The following AP1AR variants were observed in gnomAD, a reference collection of about 807,000 sequenced individuals.
The protein encoded by AP1AR is AP-1 complex-associated regulatory protein.
Under a neutral mutation model 46.3 loss-of-function variants are expected in AP1AR, and 29 were observed. The observed-to-expected ratio is 0.63, with a 90% CI of 0.47 to 0.85. AP1AR has a LOEUF of 0.85. Ranked by LOEUF, AP1AR falls within the 40% of genes least tolerant of loss-of-function variation. The pLI is 0.00. For synonymous variants in AP1AR, 122 were observed against 122.9 expected (o/e 0.99, Z 0.05); for missense variants, 357 against 356.3 (o/e 1.00, Z -0.02).
At chr4:112,261,413 T>G (rs1045527538) in intron 5 of AP1AR, among the ~76,000 whole-genome samples, 4 of 151,420 alleles carry the variant, frequency 2.6e-5, no homozygotes, top group Admixed American at 6.6e-5. Context: ...GCCTGGGCAG[T>G]AGAGTGAGAC....
intron 1 of AP1AR, among the ~76,000 whole-genome samples, chr4:112,238,477 A>C (rs1725347730): frequency 6.6e-6 from 1 of 152,140 alleles, no homozygotes; most frequent in Admixed American, 6.5e-5. Context: ...AAAATATAGA[A>C]ATCAATAGTG....
chr4:112,246,349 T>TA (rs569296831), intron 1 of AP1AR, among the ~76,000 whole-genome samples: 440 of 152,152 alleles, frequency 2.9e-3, no homozygotes, highest in African/African-American at 9.6e-3. Flanking sequence ...CTACTAAAAA[T>TA]ACAAAAATCA....
At chr4:112,252,379 G>T (rs1409686026) in intron 1 of AP1AR, among the ~76,000 whole-genome samples, 3 of 152,214 alleles carry the variant, frequency 2.0e-5, no homozygotes, top group African/African-American at 7.2e-5. Context: ...TTGTATGGCA[G>T]TGGAGTTCTC....
intron 8 of AP1AR, among the ~76,000 whole-genome samples, chr4:112,266,174 T>C (rs1031563380): frequency 1.3e-5 from 2 of 151,812 alleles, no homozygotes; most frequent in Non-Finnish European, 3.0e-5. Context: ...AAATATTTCC[T>C]CAGGTTTCAA....
At chr4:112,236,472 C>T (rs981148797) in intron 1 of AP1AR, among the ~76,000 whole-genome samples, 2 of 151,214 alleles carry the variant, frequency 1.3e-5, no homozygotes, top group African/African-American at 4.9e-5. Context: ...ACAATCCTGG[C>T]TCACTACAAC....
chr4:112,268,468 T>C lies in AP1AR; in HGVS notation c.*59T>C. On this transcript the variant is annotated 3_prime_UTR_variant, in exon 10 of 10. Transcript: ENST00000274000. ...ACCAAATGTTAAAAACCAACTAGAA[T>C]GTATAAGTGATTGTGCTTAGCCTTT... 6.7e-7 allele frequency: 1 copy of C among 1,483,462 alleles called. No homozygotes were observed. The highest frequency in any genetic ancestry group is 9.0e-7 in the Non-Finnish European group (1 of 1,110,062). 91.9% of individuals were successfully genotyped at this position (1,483,462 alleles called of 1,614,324 possible). A position where few individuals can be genotyped will look rare whatever the true frequency, so the allele number is the denominator to read the frequency against.
chr4:112,257,642 T>C (rs1477281930), intron 3 of AP1AR, 130 bp from the exon 4 acceptor site: 2 of 612,306 alleles, frequency 3.3e-6, no homozygotes, highest in African/African-American at 2.0e-5. Context: ...TATTTAATAG[T>C]GAAATGTATT....
At chr4:112,242,370 C>T (rs902371878) in intron 1 of AP1AR, among the ~76,000 whole-genome samples, 1 of 152,060 alleles carries the variant, frequency 6.6e-6, no homozygotes, top group Non-Finnish European at 1.5e-5. Flanking sequence ...CTTTTCTACC[C>T]CTCTGATGTC....
At chr4:112,259,821 T>G (rs1726362129) in intron 4 of AP1AR, among the ~76,000 whole-genome samples, 1 of 152,140 alleles carries the variant, frequency 6.6e-6, no homozygotes, top group Non-Finnish European at 1.5e-5. Context: ...CTGAACAAGT[T>G]AAGAACATTC....
At chr4:112,261,718 C>T (rs1297027111) in intron 5 of AP1AR, among the ~76,000 whole-genome samples, 2 of 151,860 alleles carry the variant, frequency 1.3e-5, no homozygotes, top group Admixed American at 6.6e-5. Flanking sequence ...CCTGTAGTTC[C>T]AGCACTTTGG....
intron 5 of AP1AR, among the ~76,000 whole-genome samples, chr4:112,262,304 C>A (rs567561113): frequency 3.6e-4 from 55 of 152,224 alleles, no homozygotes; most frequent in Non-Finnish European, 5.9e-4. Flanking sequence ...AACACCCTGT[C>A]TCAAAAAGAA....
intron 1 of AP1AR, among the ~76,000 whole-genome samples, chr4:112,246,232 G>A (rs1442106920): frequency 2.0e-5 from 3 of 152,220 alleles, no homozygotes; most frequent in African/African-American, 7.2e-5. Flanking sequence ...TAGGCTGGGT[G>A]TGGTGGCTCA....
Position 112,269,514 on chromosome 4 carries a change from T to G in AP1AR, c.*1105T>G, listed in dbSNP as rs949924298. 1 of 152,508 alleles carries G rather than the reference T, an allele frequency of 6.6e-6. No individual in the cohort carries two copies. Among genetic ancestry groups the G allele is most frequent in the Admixed American group, 6.6e-5 (1 of 15,264 alleles). The allele number at this position is 152,508 out of a possible 1,614,324, so 9.4% of individuals were successfully genotyped here. ...CCATAATTGCTTTCCTTGATTTTGC[T>G]GAGGATTTGGTATGATTTTAGTAAG... On this transcript the variant is annotated 3_prime_UTR_variant, in exon 10 of 10. Coordinates refer to ENST00000274000, the MANE Select transcript of AP1AR (RefSeq NM_018569.6).
intron 1 of AP1AR, among the ~76,000 whole-genome samples, chr4:112,239,571 C>T (rs1560601704): frequency 6.6e-6 from 1 of 152,194 alleles, no homozygotes; most frequent in Non-Finnish European, 1.5e-5. Flanking sequence ...CCCATGTTTC[C>T]AGTCCATCCT....
rs1388260562 is a variant in AP1AR at position 112,271,517 on chromosome 4, C to G, written c.*3108C>G. 6.6e-6 allele frequency among the ~76,000 whole-genome samples: 1 copy of G among 152,190 alleles called. No individual in the cohort carries two copies. The highest frequency in any genetic ancestry group is 1.5e-5 in the Non-Finnish European group (1 of 68,030). On this transcript the variant is annotated 3_prime_UTR_variant, in exon 10 of 10. Transcript: ENST00000274000. Reference sequence around the variant, plus strand: ...TGACTCCATCCTGATACTGCTTTTGCTGTCTGTGTAAATAATAAACTGTCT... The same window carrying G: ...TGACTCCATCCTGATACTGCTTTTGGTGTCTGTGTAAATAATAAACTGTCT...
At chr4:112,254,072 C>T (rs933799890) in intron 2 of AP1AR, among the ~76,000 whole-genome samples, 1 of 152,092 alleles carries the variant, frequency 6.6e-6, no homozygotes, top group East Asian at 1.9e-4. Context: ...TTAAGCCAAA[C>T]AGTATTAACA....
Position 112,265,736 on chromosome 4 carries a change from C to A in AP1AR, c.443C>A (p.Ser148Ter). Reference sequence around the variant, plus strand: ...AAATTATTTCACTTTTATTACAGTTCAGGACCAGAAGATGACTTCGAATCT... The same window carrying A: ...AAATTATTTCACTTTTATTACAGTTAAGGACCAGAAGATGACTTCGAATCT... The part of the protein sequence containing the change: ...HPSNNGEYQS[S>*]GPEDDFESCL... The change falls in exon 8 of 10, where the codon TCA (serine) becomes TAA (stop). Residue 148 changes from serine (S) to a stop codon, truncating the protein, a stop_gained and splice_region_variant. Coordinates refer to ENST00000274000, the MANE Select transcript of AP1AR (RefSeq NM_018569.6). LOFTEE classifies it high-confidence loss of function. 6.2e-7 allele frequency: 1 copy of A among 1,607,680 alleles called. No homozygotes were observed. Among genetic ancestry groups the A allele is most frequent in the South Asian group, 1.1e-5 (1 of 90,584 alleles).
rs946526149 is a variant in AP1AR at position 112,235,742 on chromosome 4, A to G, written c.83+3568A>G. Among the ~76,000 whole-genome samples the G allele has an allele frequency of 2.0e-5, 3 of 152,158 alleles. No homozygotes were observed. In the East Asian group the frequency reaches 5.8e-4, roughly 29 times the overall value. On this transcript the variant is annotated intron_variant, in intron 1 of 9. Coordinates refer to ENST00000274000, the MANE Select transcript of AP1AR (RefSeq NM_018569.6). ...GTTCTTATCCTTAACCACCACAAATAGTTCATGGCACTTTATTCTATAGGT... is the reference window on the plus strand; with the variant it reads ...GTTCTTATCCTTAACCACCACAAATGGTTCATGGCACTTTATTCTATAGGT...
intron 3 of AP1AR, among the ~76,000 whole-genome samples, chr4:112,255,121 G>A (rs28585013): frequency 0.59 from 89,000 of 150,802 alleles, 27,536 homozygotes; most frequent in African/African-American, 0.8. Flanking sequence ...CACTACGCCC[G>A]GCTAATTTTT....
Sources: allele counts gnomAD v4.1 joint callset (sites outside exome capture counted in the v4.1 genomes callset), GRCh38; gene constraint gnomAD v4.1.1; transcripts MANE v1.5; gene names NCBI Gene and HGNC (gene_info 2026-07-23, HGNC 2026-07-21).